The following FBN1 variants were observed in gnomAD, a reference collection of about 807,000 sequenced individuals.
The protein encoded by FBN1 is fibrillin-1.
A neutral mutation model predicts 365.1 loss-of-function variants in FBN1; 29 were observed. That is an observed-to-expected ratio of 0.08 (90% CI 0.06 to 0.11). The LOEUF is 0.11. Ranked by LOEUF, FBN1 falls within the 10% of genes least tolerant of loss-of-function variation. The pLI, the probability that FBN1 is intolerant of heterozygous loss-of-function variation, is 1.00. For synonymous variants in FBN1, 1,210 were observed against 1,270.5 expected (o/e 0.95, Z 1.01); for missense variants, 2,476 against 3,703.2 (o/e 0.67, Z 8.60).
intron 2 of FBN1, chr15:48,641,070 T>A (rs999300624): frequency 2.0e-5 from 3 of 152,214 alleles, no homozygotes; most frequent in African/African-American, 2.4e-5. Flanking sequence ...ACTATACATT[T>A]ATTATTTCAC....
rs16961131 is a variant in FBN1, at chr15:48,556,954, A to C, written c.539-19146T>G. On this transcript the variant is annotated intron_variant, in intron 6 of 65. Transcript: ENST00000316623. ...AAAGCTTCTTAAAGTAACGCGAAAC[A>C]TCCTGAATCACCTGGCCCACTTACA... is the stretch of plus-strand genomic sequence containing the variant. Among the ~76,000 whole-genome samples the C allele has an allele frequency of 0.016, 2,502 of 152,296 alleles. 201 individuals carry two copies. The East Asian group carries it at 0.24, about 14-fold the overall frequency.
intron 57 of FBN1, 90 bp downstream of exon 57, chr15:48,428,256 A>G (rs1360458049): frequency 2.7e-6 from 4 of 1,504,410 alleles, no homozygotes; most frequent in Non-Finnish European, 3.7e-6. Context: ...AGATTTTGAC[A>G]TTTTCTTGTA....
chr15:48,415,953 T>C (rs1265574398), intron 63 of FBN1, among the ~76,000 whole-genome samples, 186 bp from the exon 64 acceptor site: 2 of 152,132 alleles, frequency 1.3e-5, no homozygotes, highest in Non-Finnish European at 2.9e-5. Context: ...TGTGGCTTCT[T>C]GCTATGTTGT....
At chr15:48,421,446 C>T (rs1056970998) in intron 62 of FBN1, 112 bp downstream of exon 62, 1 of 1,342,854 alleles carries the variant, frequency 7.4e-7, no homozygotes, top group Non-Finnish European at 1.0e-6. Context: ...TGAGTGCCCC[C>T]CTGGGCTCAG....
In FBN1 at chr15:48,435,772, ATGTGTG is replaced by A. The variant is rs374043226; in HGVS notation, c.6497-1065_6497-1060del. 2.1e-3 allele frequency among the ~76,000 whole-genome samples: 220 copies of A among 106,342 alleles called. 2 individuals carry two copies. The highest frequency in any genetic ancestry group is 3.3e-3 in the Non-Finnish European group (179 of 54,496). 69.8% of individuals were successfully genotyped at this position (106,342 alleles called of 152,430 possible). ...TATATGTGTGTATATATATGTGTAT[ATGTGTG>A]TGTGTGTGTGTGTGTGTGTGTGTGT... On this transcript the variant is annotated intron_variant, in intron 53 of 65. Transcript: ENST00000316623.
intron 60 of FBN1, among the ~76,000 whole-genome samples, chr15:48,423,889 C>T (rs2042960599): frequency 6.6e-6 from 1 of 152,178 alleles, no homozygotes; most frequent in African/African-American, 2.4e-5. Flanking sequence ...TTGCTCTTTG[C>T]ACTCCTAAAG....
rs541300452 is a variant in FBN1 at position 48,564,905 on chromosome 15, T to C, written c.539-27097A>G. 8.9e-4 allele frequency among the ~76,000 whole-genome samples: 135 copies of C among 152,292 alleles called. 1 individual carries two copies. Among genetic ancestry groups the C allele is most frequent in the Non-Finnish European group, 1.1e-3 (78 of 68,008 alleles). On this transcript the variant is annotated intron_variant, in intron 6 of 65. Transcript: ENST00000316623. ...AAACAGACCGGCCTAACTCCAGAGG[T>C]AATGAGTTCATCACCATGAATGTGC...
intron 58 of FBN1, 63 bp from the exon 59 acceptor site, chr15:48,425,927 G>T (rs2042976775): frequency 2.3e-6 from 3 of 1,329,820 alleles, no homozygotes; most frequent in Non-Finnish European, 2.1e-6. Context: ...AATATGTAGG[G>T]GGTCACTTCA....
chr15:48,548,021 G>C (rs184562494), intron 6 of FBN1, among the ~76,000 whole-genome samples: 1 of 152,170 alleles, frequency 6.6e-6, no homozygotes, highest in Non-Finnish European at 1.5e-5. Context: ...ACCAAAACCC[G>C]ATTATGTAGA....
chr15:48,437,883 T>C lies in FBN1; in HGVS notation c.6198A>G (p.Glu2066=), dbSNP rs1293737860. Residue 2066 remains glutamate, a synonymous_variant, in exon 51 of 66, where the codon GAA becomes GAG. Coordinates refer to ENST00000316623, the MANE Select transcript of FBN1 (RefSeq NM_000138.5). ...LRMSYCYAKF[E]GGKCSSPKSR... is the part of the protein sequence containing the mutation. ...ATTTGGGTGATGAACACTTTCCTCC[T>C]TCAAACTTCGCATAACAGTAGCTCA... The C allele has an allele frequency of 6.2e-7, 1 of 1,613,774 alleles. No homozygotes were observed. Among genetic ancestry groups the C allele is most frequent in the Non-Finnish European group, 8.5e-7 (1 of 1,179,842 alleles).
At chr15:48,572,148 T>TA (rs552667841) in intron 6 of FBN1, among the ~76,000 whole-genome samples, 89 of 151,994 alleles carry the variant, frequency 5.9e-4, no homozygotes, top group African/African-American at 2.0e-3. Flanking sequence ...TTTTCTAAAT[T>TA]AAAAAAAATA....
chr15:48,630,181 TTA>T (rs1414568379), intron 2 of FBN1, among the ~76,000 whole-genome samples: 1 of 151,944 alleles, frequency 6.6e-6, no homozygotes, highest in Admixed American at 6.5e-5. Context: ...TAAAGACATT[TTA>T]TCTTTCTTTA....
At chr15:48,552,552 G>A (rs1344981360) in intron 6 of FBN1, among the ~76,000 whole-genome samples, 4 of 152,176 alleles carry the variant, frequency 2.6e-5, no homozygotes, top group African/African-American at 2.4e-5. Flanking sequence ...GATTACAGGC[G>A]TGAGCCACTG....
intron 4 of FBN1, among the ~76,000 whole-genome samples, chr15:48,602,693 T>G (rs1209545949): frequency 6.6e-6 from 1 of 152,210 alleles, no homozygotes; most frequent in Non-Finnish European, 1.5e-5. Flanking sequence ...TGCAGTTATT[T>G]TAGGCTCTTA....
At chr15:48,645,268 G>T (rs28642351) in intron 1 of FBN1, among the ~76,000 whole-genome samples, 1 of 152,148 alleles carries the variant, frequency 6.6e-6, no homozygotes, top group Non-Finnish European at 1.5e-5. Context: ...CGCGCGATGC[G>T]CGCTCTGAAC....
At chr15:48,540,234 T>C (rs1452685856) in intron 6 of FBN1, among the ~76,000 whole-genome samples, 5 of 152,168 alleles carry the variant, frequency 3.3e-5, no homozygotes, top group Non-Finnish European at 7.4e-5. Context: ...AAGTAATTAC[T>C]TTAGACAATT....
intron 2 of FBN1, among the ~76,000 whole-genome samples, chr15:48,635,533 A>T (rs1890076356): frequency 6.6e-6 from 1 of 152,192 alleles, no homozygotes; most frequent in African/African-American, 2.4e-5. Flanking sequence ...CCCCTAATTT[A>T]AAAAATTGAG....
chr15:48,565,923 T>G (rs1250638925), intron 6 of FBN1, among the ~76,000 whole-genome samples: 2 of 152,180 alleles, frequency 1.3e-5, no homozygotes, highest in African/African-American at 2.4e-5. Context: ...AATTAAAAAT[T>G]TAATAGAGCA....
chr15:48,577,128 G>A (rs528122423), intron 6 of FBN1, among the ~76,000 whole-genome samples: 19 of 151,886 alleles, frequency 1.3e-4, no homozygotes, highest in African/African-American at 2.9e-4. Flanking sequence ...ACTACTACTC[G>A]TTTAGGTCTC....
Sources: allele counts gnomAD v4.1 joint callset (sites outside exome capture counted in the v4.1 genomes callset), GRCh38; gene constraint gnomAD v4.1.1; transcripts MANE v1.5; gene names NCBI Gene and HGNC (gene_info 2026-07-23, HGNC 2026-07-21).